GRID1: variants seen among roughly 807,000 people sequenced by gnomAD.
The protein encoded by GRID1 is glutamate ionotropic receptor delta type subunit 1.
In GRID1, 28 loss-of-function variants were observed where a neutral mutation model predicts 98.0. That is an observed-to-expected ratio of 0.29 (90% CI 0.21 to 0.39). The LOEUF (loss-of-function observed/expected upper bound fraction) is 0.39, where lower values mean the gene tolerates loss of function less well. GRID1 is among the 10% of genes least tolerant of loss of function. GRID1 has a pLI of 1.00. For missense variants in GRID1, 1,111 were observed against 1,340.5 expected, an observed-to-expected ratio of 0.83 and a Z score of 2.67; for synonymous variants, 553 against 538.5, an observed-to-expected ratio of 1.03 and a Z score of -0.37.
chr10:86,261,749 A>T (rs1847018642), intron 2 of GRID1, among the ~76,000 whole-genome samples: 1 of 151,412 alleles, frequency 6.6e-6, no homozygotes, highest in Non-Finnish European at 1.5e-5. Context: ...CTCTCACCTG[A>T]GCAGGGGCAT....
intron 4 of GRID1, among the ~76,000 whole-genome samples, chr10:86,103,653 C>T (rs554300303): frequency 2.7e-4 from 41 of 152,306 alleles, no homozygotes; most frequent in Non-Finnish European, 4.7e-4. Context: ...CCCCTTCATT[C>T]CACAGCATCT....
intron 13 of GRID1, among the ~76,000 whole-genome samples, chr10:85,623,822 T>G (rs34174812): frequency 0.15 from 22,179 of 152,180 alleles, 1,809 homozygotes; most frequent in African/African-American, 0.19. Context: ...TCATTTCCTA[T>G]TTATATTAAC....
At chr10:85,671,084 C>T (rs1411001275) in intron 12 of GRID1, among the ~76,000 whole-genome samples, 1 of 152,172 alleles carries the variant, frequency 6.6e-6, no homozygotes, top group East Asian at 1.9e-4. Flanking sequence ...ACTCTTTAAT[C>T]CTTTCTTTTC....
intron 8 of GRID1, among the ~76,000 whole-genome samples, chr10:85,824,173 G>C (rs117700823): frequency 0.034 from 5,017 of 147,058 alleles, 122 homozygotes; most frequent in Non-Finnish European, 0.049. Flanking sequence ...CTTAAAAAGA[G>C]TTGATTTTGT....
intron 4 of GRID1, among the ~76,000 whole-genome samples, chr10:86,011,558 G>C (rs1048299318): frequency 6.6e-6 from 1 of 152,160 alleles, no homozygotes; most frequent in African/African-American, 2.4e-5. Flanking sequence ...GGAAAAAAAA[G>C]TCTCAGATCT....
chr10:86,047,142 A>G (rs1013644594), intron 4 of GRID1, among the ~76,000 whole-genome samples: 1 of 152,230 alleles, frequency 6.6e-6, no homozygotes, highest in Non-Finnish European at 1.5e-5. Flanking sequence ...CTCACCTTCA[A>G]TGACTGAAAA....
intron 14 of GRID1, among the ~76,000 whole-genome samples, chr10:85,619,329 C>T (rs1842830312): frequency 6.6e-6 from 1 of 152,226 alleles, no homozygotes. Context: ...CCCATACAGC[C>T]ACGTGCAAAT....
chr10:86,325,561 C>A (rs1048440090), intron 2 of GRID1, among the ~76,000 whole-genome samples: 1 of 152,168 alleles, frequency 6.6e-6, no homozygotes, highest in Non-Finnish European at 1.5e-5. Flanking sequence ...AAGTCCAATG[C>A]AATAAGACCA....
chr10:86,295,100 G>A (rs1219953698), intron 2 of GRID1, among the ~76,000 whole-genome samples: 2 of 152,230 alleles, frequency 1.3e-5, no homozygotes, highest in Admixed American at 1.3e-4. Flanking sequence ...GCAATGGAGA[G>A]AAAGGCATGG....
intron 4 of GRID1, among the ~76,000 whole-genome samples, chr10:86,029,426 G>A (rs760373528): frequency 2.6e-5 from 4 of 152,176 alleles, no homozygotes; most frequent in Non-Finnish European, 4.4e-5. Flanking sequence ...TCTTATCTGA[G>A]ATTCCTTGTG....
At chr10:86,149,262 C>A (rs1430465026) in intron 3 of GRID1, among the ~76,000 whole-genome samples, 1 of 152,194 alleles carries the variant, frequency 6.6e-6, no homozygotes, top group Non-Finnish European at 1.5e-5. Flanking sequence ...AGAGGGGAAA[C>A]AAGTTTCTGC....
chr10:86,248,563 C>CTTTTTTTTTTTTTT (rs200060771), intron 2 of GRID1, among the ~76,000 whole-genome samples: 2 of 121,852 alleles, frequency 1.6e-5, no homozygotes, highest in South Asian at 2.7e-4. Flanking sequence ...CATGACAATT[C>CTTTTTTTTTTTTTT]TTTTTTTTTT....
At chr10:85,638,975 T>C (rs1843081981) in intron 13 of GRID1, among the ~76,000 whole-genome samples, 1 of 152,176 alleles carries the variant, frequency 6.6e-6, no homozygotes, top group South Asian at 2.1e-4. Context: ...TACAAGTATA[T>C]AAGGAGTATA....
At chr10:86,280,063 C>T (rs1339619043) in intron 2 of GRID1, among the ~76,000 whole-genome samples, 1 of 152,000 alleles carries the variant, frequency 6.6e-6, no homozygotes, top group Non-Finnish European at 1.5e-5. Context: ...ATTAGCCAGG[C>T]ATAGTGGTGC....
chr10:85,641,446 T>C (rs752919316), intron 13 of GRID1, among the ~76,000 whole-genome samples: 1 of 152,122 alleles, frequency 6.6e-6, no homozygotes, highest in South Asian at 2.1e-4. Flanking sequence ...CACTTTGGTG[T>C]CAGAGAGGGA....
At chr10:86,011,968 G>A (rs1418015915) in intron 4 of GRID1, among the ~76,000 whole-genome samples, 1 of 152,126 alleles carries the variant, frequency 6.6e-6, no homozygotes, top group Non-Finnish European at 1.5e-5. Context: ...GACCAGCCTG[G>A]CCAACATGGT....
intron 4 of GRID1, among the ~76,000 whole-genome samples, chr10:86,045,079 A>G (rs1262458175): frequency 2.0e-5 from 3 of 152,254 alleles, no homozygotes; most frequent in Admixed American, 6.5e-5. Flanking sequence ...GTTCATATGC[A>G]AAGAGTATGT....
chr10:85,919,352 G>T (rs914324383), intron 4 of GRID1, among the ~76,000 whole-genome samples: 2 of 152,220 alleles, frequency 1.3e-5, no homozygotes, highest in African/African-American at 2.4e-5. Context: ...CACCAATTAA[G>T]CATCAGCTAA....
chr10:85,919,933 C>T lies in GRID1; in HGVS notation c.727-3694G>A, dbSNP rs530552152. Among the ~76,000 whole-genome samples, 333 of 98,676 alleles carry T rather than the reference C, an allele frequency of 3.4e-3. 1 individual carries two copies. Among genetic ancestry groups the T allele is most frequent in the Admixed American group, 5.6e-3 (63 of 11,224 alleles). 64.7% of individuals were successfully genotyped at this position (98,676 alleles called of 152,430 possible). A position where few individuals can be genotyped will look rare whatever the true frequency, so the allele number is the denominator to read the frequency against. On this transcript the variant is annotated intron_variant, in intron 4 of 15. Coordinates refer to ENST00000327946, the MANE Select transcript of GRID1 (RefSeq NM_017551.3). ...CACTGACTCAGCATGTTTGCTCACTCCCAACACCAGCCAACACCCCCAATT... is the reference window on the plus strand; with the variant it reads ...CACTGACTCAGCATGTTTGCTCACTTCCAACACCAGCCAACACCCCCAATT...
Sources: allele counts gnomAD v4.1 joint callset (sites outside exome capture counted in the v4.1 genomes callset), GRCh38; gene constraint gnomAD v4.1.1; transcripts MANE v1.5; gene names NCBI Gene and HGNC (gene_info 2026-07-23, HGNC 2026-07-21).